FAF1: variants seen among roughly 807,000 people sequenced by gnomAD.
FAF1 encodes the protein Fas associated factor 1.
FAF1 carries 25 observed loss-of-function variants against 92.5 expected under a neutral mutation model. The observed-to-expected ratio is 0.27, with a 90% CI of 0.20 to 0.38. The LOEUF (loss-of-function observed/expected upper bound fraction) is 0.38. FAF1 is among the 10% of genes least tolerant of loss of function. FAF1 has a pLI of 1.00. For synonymous variants in FAF1, 234 were observed against 273.2 expected, an observed-to-expected ratio of 0.86 and a Z score of 1.42; for missense variants, 636 against 793.3, an observed-to-expected ratio of 0.80 and a Z score of 2.38.
At chr1:50,938,060 C>T (rs1645101534) in intron 1 of FAF1, among the ~76,000 whole-genome samples, 1 of 152,170 alleles carries the variant, frequency 6.6e-6, no homozygotes. Context: ...GGCACAATCG[C>T]TTATACTGAC....
At chr1:50,633,969 CAA>C (rs1366514350) in intron 8 of FAF1, among the ~76,000 whole-genome samples, 3 of 152,092 alleles carry the variant, frequency 2.0e-5, no homozygotes, top group Admixed American at 2.0e-4. Flanking sequence ...AATAAAAGAA[CAA>C]AAAGACTTTC....
intron 1 of FAF1, among the ~76,000 whole-genome samples, chr1:50,879,177 G>A (rs753829014): frequency 9.2e-5 from 14 of 152,092 alleles, no homozygotes; most frequent in Non-Finnish European, 1.3e-4. Context: ...CCCGGGAGGC[G>A]GAGTCTACAG....
At chr1:50,916,167 G>A (rs780211846) in intron 1 of FAF1, among the ~76,000 whole-genome samples, 1 of 152,204 alleles carries the variant, frequency 6.6e-6, no homozygotes, top group Non-Finnish European at 1.5e-5. Context: ...GGGGTCGTAG[G>A]AGGAAGGGTA....
chr1:50,596,343 AT>A, intron 8 of FAF1, 127 bp from the exon 9 acceptor site: 2 of 653,538 alleles, frequency 3.1e-6, no homozygotes, highest in Non-Finnish European at 2.6e-6. Flanking sequence ...TATCCTGGGT[AT>A]TACATTACCA....
chr1:50,506,635 G>T (rs919582366), intron 15 of FAF1, among the ~76,000 whole-genome samples: 3 of 152,064 alleles, frequency 2.0e-5, no homozygotes, highest in Admixed American at 1.3e-4. Context: ...ACTTAGCTGG[G>T]ACACTTTTAT....
In FAF1 at chr1:50,738,968, A is replaced by G. The variant is rs1553133975; in HGVS notation, c.460-14T>C. On this transcript the variant is annotated splice_polypyrimidine_tract_variant and intron_variant, in intron 5 of 18. Coordinates refer to ENST00000396153, the MANE Select transcript of FAF1 (RefSeq NM_007051.3). ...TTTTAGGACCGTCTGAAAAAGAAAA[A>G]ACACAGCAAAAAATGAATGTTGATG... 13 of 1,472,340 alleles carry G rather than the reference A, an allele frequency of 8.8e-6. No homozygotes were observed. The East Asian group carries it at 3.0e-4, about 34-fold the overall frequency. 91.2% of individuals were successfully genotyped at this position (1,472,340 alleles called of 1,614,324 possible).
At chr1:50,526,688 A>G (rs1647824026) in intron 15 of FAF1, among the ~76,000 whole-genome samples, 1 of 151,954 alleles carries the variant, frequency 6.6e-6, no homozygotes, top group African/African-American at 2.4e-5. Context: ...ATTTCTCTTG[A>G]GTATATAACT....
At chr1:50,493,867 C>A (rs568938440) in intron 15 of FAF1, among the ~76,000 whole-genome samples, 1 of 152,154 alleles carries the variant, frequency 6.6e-6, no homozygotes, top group Non-Finnish European at 1.5e-5. Flanking sequence ...ACTATGTACA[C>A]GTAAAAAACG....
At position 50,915,882 on chromosome 1, in the gene FAF1, C is replaced by T. The variant is rs888510457; in HGVS notation, c.45+43885G>A. On this transcript the variant is annotated intron_variant, in intron 1 of 18. Transcript: ENST00000396153. ...CCTATTCCCATCCAACTCTAGAACA[C>T]TAGTGGACAAGCAGGAACCTTTAAA... Among the ~76,000 whole-genome samples, 13 of 152,258 alleles carry T rather than the reference C, an allele frequency of 8.5e-5. 1 individual carries two copies. In the Middle Eastern group the frequency reaches 0.01, roughly 120 times the overall value.
intron 8 of FAF1, chr1:50,612,507 G>GTAT (rs1652727730): frequency 1.0e-6 from 1 of 985,092 alleles, no homozygotes; most frequent in Non-Finnish European, 1.2e-6. Flanking sequence ...ATGCATGAAG[G>GTAT]GTACCAACGA....
chr1:50,894,334 C>T (rs1238891643), intron 1 of FAF1, among the ~76,000 whole-genome samples: 1 of 147,250 alleles, frequency 6.8e-6, no homozygotes, highest in South Asian at 2.2e-4. Context: ...AAAAAAACTC[C>T]AAGGGCTCTT....
intron 1 of FAF1, among the ~76,000 whole-genome samples, chr1:50,894,745 TAA>T: frequency 6.6e-6 from 1 of 152,124 alleles, no homozygotes; most frequent in Admixed American, 6.6e-5. Flanking sequence ...ACATGAAAAT[TAA>T]ACAATATGCT....
chr1:50,738,883 A>G lies in FAF1; in HGVS notation c.531T>C (p.Pro177=), dbSNP rs1365454880. The part of the protein sequence containing the change: ...LYVLTPDLPP[P]SSSSHAGALQ... The stretch of plus-strand genomic sequence containing the variant: ...CTTACCCAGCATGACTAGATGATGA[A>G]GGTGGTGGCAAATCTGGTGTAAGGA... The change falls in exon 6 of 19, where the codon CCT becomes CCC. Residue 177 remains proline, a synonymous_variant. Transcript: ENST00000396153. 3.7e-6 allele frequency: 6 copies of G among 1,607,150 alleles called. No homozygotes were observed. In the African/African-American group the frequency reaches 6.7e-5, roughly 18 times the overall value.
At chr1:50,735,994 T>C (rs1334119698) in intron 6 of FAF1, among the ~76,000 whole-genome samples, 1 of 152,156 alleles carries the variant, frequency 6.6e-6, no homozygotes, top group Non-Finnish European at 1.5e-5. Context: ...GCTGGTGTTA[T>C]AGGCATAAGC....
intron 1 of FAF1, among the ~76,000 whole-genome samples, chr1:50,930,671 T>C (rs1645040389): frequency 6.6e-6 from 1 of 152,014 alleles, no homozygotes; most frequent in African/African-American, 2.4e-5. Flanking sequence ...CCGTCTCTAC[T>C]AAAAATACAA....
intron 1 of FAF1, among the ~76,000 whole-genome samples, chr1:50,890,120 T>C (rs1243246107): frequency 6.6e-6 from 1 of 152,066 alleles, no homozygotes; most frequent in Non-Finnish European, 1.5e-5. Context: ...TACTATGTAA[T>C]GGCCCTGTCT....
Position 50,805,331 on chromosome 1 carries a change from C to A in FAF1, c.115-3654G>T, listed in dbSNP as rs555497040. ...TTTAATCCAATTAATGTACCTCAAT[C>A]AAAATCCAGCCCCTAAATTCTGTTT... On this transcript the variant is annotated intron_variant, in intron 2 of 18. Coordinates refer to ENST00000396153, the MANE Select transcript of FAF1 (RefSeq NM_007051.3). Among the ~76,000 whole-genome samples, 130 of 152,272 alleles carry A rather than the reference C, an allele frequency of 8.5e-4. 1 individual carries two copies. The highest frequency in any genetic ancestry group is 3.0e-3 in the African/African-American group (126 of 41,556).
chr1:50,449,964 G>A (rs1646275035), intron 18 of FAF1, among the ~76,000 whole-genome samples: 1 of 151,622 alleles, frequency 6.6e-6, no homozygotes, highest in African/African-American at 2.4e-5. Context: ...GGAGGCTGAG[G>A]CAGGCAGATC....
intron 6 of FAF1, among the ~76,000 whole-genome samples, chr1:50,709,432 A>G (rs1657824591): frequency 6.6e-6 from 1 of 152,240 alleles, no homozygotes; most frequent in Admixed American, 6.5e-5. Flanking sequence ...AGGTGATTCA[A>G]TTCAACTGTA....
Sources: allele counts gnomAD v4.1 joint callset (sites outside exome capture counted in the v4.1 genomes callset), GRCh38; gene constraint gnomAD v4.1.1; transcripts MANE v1.5; gene names NCBI Gene and HGNC (gene_info 2026-07-23, HGNC 2026-07-21).